The following CDH4 variants were observed in gnomAD, a reference collection of about 807,000 sequenced individuals.
CDH4 encodes the protein cadherin 4.
CDH4 carries 33 observed loss-of-function variants against 86.0 expected under a neutral mutation model. The observed-to-expected ratio is 0.38, with a 90% confidence interval of 0.29 to 0.51. The LOEUF is 0.51. Among genes scored for constraint, CDH4 ranks in the 20% least tolerant of loss-of-function variants. The pLI is 0.86. For synonymous variants in CDH4, 555 were observed against 549.4 expected, an observed-to-expected ratio of 1.01 and a Z score of -0.14; for missense variants, 1,114 against 1,307.4, an observed-to-expected ratio of 0.85 and a Z score of 2.28.
chr20:61,543,662 CA>C (rs1285199225), intron 2 of CDH4, among the ~76,000 whole-genome samples: 1 of 152,208 alleles, frequency 6.6e-6, no homozygotes, highest in Non-Finnish European at 1.5e-5. Context: ...AGGTTTCAGT[CA>C]GGGGGCTGGT....
At chr20:61,406,605 GCTCTGCCTGGACCA>G (rs2085084980) in intron 2 of CDH4, among the ~76,000 whole-genome samples, 1 of 142,930 alleles carries the variant, frequency 7.0e-6, no homozygotes, top group Admixed American at 7.0e-5. Context: ...ACCACCATCT[GCTCTGCCTGGACCA>G]CCATCTGCCA....
chr20:61,667,850 C>T (rs894151840), intron 2 of CDH4, among the ~76,000 whole-genome samples: 1 of 152,202 alleles, frequency 6.6e-6, no homozygotes, highest in Non-Finnish European at 1.5e-5. Flanking sequence ...GGAACTCGTT[C>T]TGAACAGGAA....
intron 2 of CDH4, among the ~76,000 whole-genome samples, chr20:61,315,718 G>C (rs2084472538): frequency 6.6e-6 from 1 of 152,022 alleles, no homozygotes; most frequent in African/African-American, 2.4e-5. Context: ...ATCATTTTTT[G>C]TTTAAGACAT....
At chr20:61,884,572 G>C (rs374943524) in intron 7 of CDH4, among the ~76,000 whole-genome samples, 2 of 152,114 alleles carry the variant, frequency 1.3e-5, no homozygotes, top group Non-Finnish European at 2.9e-5. Flanking sequence ...CAGCCTGGGG[G>C]CACCCAGCGA....
In CDH4 at chr20:61,467,597, A is replaced by AT. The variant is rs1364230637; in HGVS notation, c.169+212661dup. ...CCTTCCATCCCTGCCTCCACTATTTATGCTACCATTAACAAATTCTACATA... is the reference window on the plus strand; with the variant it reads ...CCTTCCATCCCTGCCTCCACTATTTATTGCTACCATTAACAAATTCTACATA... On this transcript the variant is annotated intron_variant, in intron 2 of 15. Coordinates refer to ENST00000614565, the MANE Select transcript of CDH4 (RefSeq NM_001794.5). Among the ~76,000 whole-genome samples, 13 of 152,312 alleles carry AT rather than the reference A, an allele frequency of 8.5e-5. 1 individual carries two copies. In the South Asian group the frequency reaches 2.7e-3, roughly 32 times the overall value.
At chr20:61,635,621 G>A (rs112141097) in intron 2 of CDH4, among the ~76,000 whole-genome samples, 6 of 152,188 alleles carry the variant, frequency 3.9e-5, no homozygotes, top group Admixed American at 1.3e-4. Context: ...CCCAGGGGCC[G>A]GGCAACAGAG....
At chr20:61,696,483 A>G (rs1459232295) in intron 2 of CDH4, among the ~76,000 whole-genome samples, 50 of 152,298 alleles carry the variant, frequency 3.3e-4, no homozygotes, top group Non-Finnish European at 4.4e-5. Context: ...TGTACTGAGC[A>G]CCAGCTGTGT....
At chr20:61,833,869 C>G (rs1981738370) in intron 4 of CDH4, among the ~76,000 whole-genome samples, 1 of 152,262 alleles carries the variant, frequency 6.6e-6, no homozygotes, top group South Asian at 2.1e-4. Context: ...AAAACCATTT[C>G]CCAAAGTGAA....
intron 2 of CDH4, among the ~76,000 whole-genome samples, chr20:61,364,501 C>T (rs114648570): frequency 6.6e-6 from 1 of 152,336 alleles, no homozygotes; most frequent in African/African-American, 2.4e-5. Flanking sequence ...GCTGCCTCCA[C>T]AGGGCTCAGC....
chr20:61,267,925 G>A (rs1600818391), intron 2 of CDH4, among the ~76,000 whole-genome samples: 1 of 152,224 alleles, frequency 6.6e-6, no homozygotes, highest in African/African-American at 2.4e-5. Flanking sequence ...CAGCCTGGCT[G>A]AGGGTTCGCA....
intron 4 of CDH4, among the ~76,000 whole-genome samples, chr20:61,816,251 C>A (rs927828427): frequency 6.6e-6 from 1 of 152,144 alleles, no homozygotes; most frequent in African/African-American, 2.4e-5. Context: ...TAATATTTCC[C>A]CTCTGTGATG....
chr20:61,777,683 C>T lies in CDH4; in HGVS notation c.576+4501C>T, dbSNP rs573090734. On this transcript the variant is annotated intron_variant, in intron 4 of 15. Coordinates refer to ENST00000614565, the MANE Select transcript of CDH4 (RefSeq NM_001794.5). ...GCATACAAAGACACACACCCATACG[C>T]GCACACACGTGCATACAAAAACACA... Among the ~76,000 whole-genome samples the T allele has an allele frequency of 6.7e-4, 100 of 149,852 alleles. 9 individuals are homozygous for T. The highest frequency in any genetic ancestry group is 1.2e-3 in the Non-Finnish European group (81 of 67,408).
At chr20:61,301,064 G>C (rs564745228) in intron 2 of CDH4, among the ~76,000 whole-genome samples, 2 of 152,234 alleles carry the variant, frequency 1.3e-5, no homozygotes, top group African/African-American at 4.8e-5. Flanking sequence ...CTCGCAGTGT[G>C]CCCGGGGCTG....
chr20:61,702,652 G>A (rs1028903780), intron 2 of CDH4, among the ~76,000 whole-genome samples: 1 of 152,194 alleles, frequency 6.6e-6, no homozygotes, highest in Non-Finnish European at 1.5e-5. Flanking sequence ...ATTTATCTGT[G>A]TATGCATCTT....
At chr20:61,778,612 T>C (rs1432483856) in intron 4 of CDH4, among the ~76,000 whole-genome samples, 1 of 152,072 alleles carries the variant, frequency 6.6e-6, no homozygotes, top group Non-Finnish European at 1.5e-5. Flanking sequence ...GTTCTGCCAC[T>C]GGAATCAGAC....
chr20:61,455,142 C>T (rs2085400507), intron 2 of CDH4, among the ~76,000 whole-genome samples: 1 of 151,498 alleles, frequency 6.6e-6, no homozygotes, highest in South Asian at 2.1e-4. Flanking sequence ...CAACCAACAT[C>T]CCAGAGTGTT....
chr20:61,383,246 T>C (rs1207992707), intron 2 of CDH4, among the ~76,000 whole-genome samples: 1 of 60,422 alleles, frequency 1.7e-5, no homozygotes, highest in Non-Finnish European at 3.3e-5. Context: ...ATATATATGA[T>C]TATATATGAA....
intron 5 of CDH4, among the ~76,000 whole-genome samples, chr20:61,851,203 G>A (rs1019151291): frequency 3.3e-5 from 5 of 152,218 alleles, no homozygotes; most frequent in Non-Finnish European, 7.3e-5. Flanking sequence ...GCCACATCTC[G>A]CGTGGCAGTC....
At chr20:61,515,805 G>A (rs559535049) in intron 2 of CDH4, among the ~76,000 whole-genome samples, 11 of 152,146 alleles carry the variant, frequency 7.2e-5, no homozygotes, top group Admixed American at 2.0e-4. Context: ...TGTTCTTGTC[G>A]GAAATCTACT....
Sources: allele counts gnomAD v4.1 joint callset (sites outside exome capture counted in the v4.1 genomes callset), GRCh38; gene constraint gnomAD v4.1.1; transcripts MANE v1.5; gene names NCBI Gene and HGNC (gene_info 2026-07-23, HGNC 2026-07-21).